ADAM10: variants seen among roughly 807,000 people sequenced by gnomAD.
ADAM10 encodes ADAM metallopeptidase domain 10, also known as disintegrin and metalloproteinase domain-containing protein 10.
In ADAM10, 17 loss-of-function variants were observed where a neutral mutation model predicts 90.1. That is an observed-to-expected ratio of 0.19 (90% CI 0.13 to 0.28). The LOEUF (loss-of-function observed/expected upper bound fraction) is 0.28. Ranked by LOEUF, ADAM10 falls within the 10% of genes least tolerant of loss-of-function variation. The pLI, the probability that ADAM10 is intolerant of heterozygous loss-of-function variation, is 1.00. For missense variants in ADAM10, 610 were observed against 914.3 expected (o/e 0.67, Z 4.29); for synonymous variants, 310 against 298.6 (o/e 1.04, Z -0.40).
rs1419205884 is a variant in ADAM10 at position 58,616,977 on chromosome 15, C to T, written c.1511+4494G>A. On this transcript the variant is annotated intron_variant, in intron 11 of 15. Coordinates refer to ENST00000260408, the MANE Select transcript of ADAM10 (RefSeq NM_001110.4). ...CAAAAAAATTAGCCAGGCGTGGTGG[C>T]AGGTACCTGTAGTCCCAGCTATTCC... 2.0e-5 allele frequency among the ~76,000 whole-genome samples: 3 copies of T among 152,028 alleles called. No homozygotes were observed. In the East Asian group the frequency reaches 5.8e-4, roughly 29 times the overall value.
At position 58,594,966 on chromosome 15, in the gene ADAM10, C is replaced by T. The variant is rs544609975; in HGVS notation, c.*2581G>A. The T allele has an allele frequency of 3.0e-4, 45 of 152,084 alleles. No homozygotes were observed. The highest frequency in any genetic ancestry group is 6.0e-4 in the Non-Finnish European group (41 of 67,992). 9.4% of individuals were successfully genotyped at this position (152,084 alleles called of 1,614,324 possible). On this transcript the variant is annotated 3_prime_UTR_variant, in exon 16 of 16. Coordinates refer to ENST00000260408, the MANE Select transcript of ADAM10 (RefSeq NM_001110.4). ...TTATTCTGGGCTTACAATTCCTTTTCTAGGTAACACTGAAATGTCAATTCT... is the reference window on the plus strand; with the variant it reads ...TTATTCTGGGCTTACAATTCCTTTTTTAGGTAACACTGAAATGTCAATTCT...
chr15:58,700,769 C>A (rs953301464), intron 2 of ADAM10, among the ~76,000 whole-genome samples: 4 of 151,964 alleles, frequency 2.6e-5, no homozygotes, highest in African/African-American at 9.7e-5. Flanking sequence ...AAGCCCAGCA[C>A]CCTGAGAGGT....
rs1355904193 is a variant in ADAM10, at chr15:58,610,982, G to A, written c.1804+17C>T. On this transcript the variant is annotated intron_variant, in intron 13 of 15. Coordinates refer to ENST00000260408, the MANE Select transcript of ADAM10 (RefSeq NM_001110.4). Reference sequence around the variant, plus strand: ...TTTGAGGCAAATTTTATACTCTTGTGTTTTTAAAAGCCTTACTTTTCTTCA... The same window carrying A: ...TTTGAGGCAAATTTTATACTCTTGTATTTTTAAAAGCCTTACTTTTCTTCA... The A allele has an allele frequency of 1.9e-6, 3 of 1,585,490 alleles. No individual in the cohort carries two copies. The highest frequency in any genetic ancestry group is 1.7e-4 in the Middle Eastern group (1 of 6,036).
rs899323215 is a variant in ADAM10, at chr15:58,593,239, G to T, written c.*4308C>A. 7.7e-6 allele frequency: 1 copy of T among 130,086 alleles called. No homozygotes were observed. Among genetic ancestry groups the T allele is most frequent in the South Asian group, 2.5e-4 (1 of 4,004 alleles). The allele number at this position is 130,086 out of a possible 1,614,324, so 8.1% of individuals were successfully genotyped here. A position where few individuals can be genotyped will look rare whatever the true frequency, so the allele number is the denominator to read the frequency against. ...CTGTCACCCAGGCTGGAGTGCAATGGCGCAATCGCGGCTCACTGCAGCCTC... is the reference window on the plus strand; with the variant it reads ...CTGTCACCCAGGCTGGAGTGCAATGTCGCAATCGCGGCTCACTGCAGCCTC... On this transcript the variant is annotated 3_prime_UTR_variant, in exon 16 of 16. Transcript: ENST00000260408.
intron 13 of ADAM10, chr15:58,610,787 G>C: frequency 1.6e-6 from 1 of 632,670 alleles, no homozygotes; most frequent in Non-Finnish European, 2.8e-6. Flanking sequence ...TGTAAAGCTG[G>C]CAACGTTTTG....
chr15:58,599,861 CAT>C (rs1235859507), intron 14 of ADAM10, 137 bp from the exon 15 acceptor site: 7 of 785,278 alleles, frequency 8.9e-6, no homozygotes, highest in African/African-American at 5.3e-5. Flanking sequence ...GAGTTGTATA[CAT>C]ATGTTAGATA....
chr15:58,598,266 A>T (rs143305521), intron 15 of ADAM10, among the ~76,000 whole-genome samples: 29 of 152,366 alleles, frequency 1.9e-4, no homozygotes, highest in African/African-American at 6.5e-4. Context: ...ACTTAAAATG[A>T]AACCAACATA....
intron 2 of ADAM10, among the ~76,000 whole-genome samples, chr15:58,696,850 T>A (rs991405308): frequency 6.6e-6 from 1 of 152,004 alleles, no homozygotes; most frequent in Non-Finnish European, 1.5e-5. Flanking sequence ...TCATGAACGG[T>A]CCCCTCCACT....
chr15:58,611,982 T>C lies in ADAM10; in HGVS notation c.1521A>G (p.Gln507=). The C allele has an allele frequency of 1.2e-6, 2 of 1,614,114 alleles. No homozygotes were observed. The highest frequency in any genetic ancestry group is 1.7e-6 in the Non-Finnish European group (2 of 1,179,986). The part of the protein sequence containing the change: ...LKPGKQCSPS[Q]GPCCTAQCAF... Reference sequence around the variant, plus strand: ...CACACTGTGCTGTACAACAAGGACCTTGACTTGGACTAGAGGAAACATTAA... The same window carrying C: ...CACACTGTGCTGTACAACAAGGACCCTGACTTGGACTAGAGGAAACATTAA... The change falls in exon 12 of 16, where the codon CAA becomes CAG. Residue 507 remains glutamine (Q), a synonymous_variant. Transcript: ENST00000260408.
At chr15:58,738,996 T>C (rs181898890) in intron 1 of ADAM10, among the ~76,000 whole-genome samples, 7 of 152,222 alleles carry the variant, frequency 4.6e-5, no homozygotes, top group Admixed American at 6.5e-5. Context: ...CTTAAACCCA[T>C]TGTCATTAAC....
rs368727735 is a variant in ADAM10, at chr15:58,633,364, T to C, written c.1013-5A>G. ...CACATATTCCTCCAGAGCTTCCTAATCCAGAACAAAAAAATGGCTAAATTA... is the reference window on the plus strand; with the variant it reads ...CACATATTCCTCCAGAGCTTCCTAACCCAGAACAAAAAAATGGCTAAATTA... On this transcript the variant is annotated splice_region_variant and splice_polypyrimidine_tract_variant and intron_variant, in intron 8 of 15. Transcript: ENST00000260408. 7.4e-6 allele frequency: 12 copies of C among 1,612,988 alleles called. No individual in the cohort carries two copies. In the African/African-American group the frequency reaches 1.6e-4, roughly 22 times the overall value.
intron 5 of ADAM10, among the ~76,000 whole-genome samples, chr15:58,650,137 A>C (rs1207862702): frequency 6.6e-6 from 1 of 152,124 alleles, no homozygotes; most frequent in African/African-American, 2.4e-5. Context: ...TATGACTTGA[A>C]TATATTAAAG....
At chr15:58,662,549 T>A (rs1173440471) in intron 5 of ADAM10, among the ~76,000 whole-genome samples, 1 of 152,146 alleles carries the variant, frequency 6.6e-6, no homozygotes, top group African/African-American at 2.4e-5. Context: ...TCTGGCTAGT[T>A]TGCCCAGGCT....
chr15:58,612,037 T>G (rs756163425), intron 11 of ADAM10, 46 bp from the exon 12 acceptor site: 5 of 1,542,916 alleles, frequency 3.2e-6, no homozygotes. Context: ...CACTAGTTAT[T>G]CCCTATATAC....
intron 5 of ADAM10, among the ~76,000 whole-genome samples, chr15:58,651,975 T>C (rs147506985): frequency 6.6e-6 from 1 of 152,318 alleles, no homozygotes; most frequent in East Asian, 1.9e-4. Flanking sequence ...ACTGTAATTT[T>C]TATTTGCATT....
intron 4 of ADAM10, among the ~76,000 whole-genome samples, chr15:58,678,140 T>C (rs1304798900): frequency 2.6e-5 from 4 of 152,198 alleles, no homozygotes; most frequent in Non-Finnish European, 5.9e-5. Context: ...GTAGCATTAA[T>C]GAGCTTATGA....
At chr15:58,649,686 TA>T (rs1896638031) in intron 5 of ADAM10, among the ~76,000 whole-genome samples, 1 of 152,210 alleles carries the variant, frequency 6.6e-6, no homozygotes, top group African/African-American at 2.4e-5. Context: ...TAAGAGTGAT[TA>T]AACTTTTTCT....
intron 1 of ADAM10, among the ~76,000 whole-genome samples, chr15:58,723,743 T>C (rs1278199144): frequency 1.3e-5 from 2 of 151,858 alleles, no homozygotes; most frequent in East Asian, 3.9e-4. Flanking sequence ...ACCCACTTTA[T>C]ATCATAGCAA....
At chr15:58,713,975 T>C (rs548458242) in intron 2 of ADAM10, among the ~76,000 whole-genome samples, 1 of 150,468 alleles carries the variant, frequency 6.6e-6, no homozygotes, top group South Asian at 2.1e-4. Context: ...CAGCTAATTG[T>C]TTGTATTTTT....
Sources: allele counts gnomAD v4.1 joint callset (sites outside exome capture counted in the v4.1 genomes callset), GRCh38; gene constraint gnomAD v4.1.1; transcripts MANE v1.5; gene names NCBI Gene and HGNC (gene_info 2026-07-23, HGNC 2026-07-21).